The following ADD2 variants were observed in gnomAD, a reference collection of about 807,000 sequenced individuals.
ADD2 encodes beta-adducin.
In ADD2, 23 loss-of-function variants were observed where a neutral mutation model predicts 83.0. The ratio of observed to expected loss-of-function variants is 0.28; its 90% CI spans 0.20 to 0.39. The LOEUF is 0.39. ADD2 is among the 10% of genes least tolerant of loss of function. ADD2 has a pLI of 1.00. For missense variants in ADD2, 758 were observed against 944.9 expected (o/e 0.80, Z 2.59); for synonymous variants, 375 against 375.4 (o/e 1.00, Z 0.01).
intron 1 of ADD2, among the ~76,000 whole-genome samples, chr2:70,740,996 G>C (rs1574310894): frequency 6.6e-6 from 1 of 152,302 alleles, no homozygotes; most frequent in East Asian, 1.9e-4. Flanking sequence ...CACCGTGCCC[G>C]GCCTTGGTCT....
rs576483931 is a variant in ADD2 at position 70,711,755 on chromosome 2, G to A, written c.-35+1311C>T. Among the ~76,000 whole-genome samples the A allele has an allele frequency of 4.7e-4, 71 of 152,316 alleles. 1 individual carries two copies. The highest frequency in any genetic ancestry group is 1.6e-3 in the African/African-American group (68 of 41,568). ...ATCTCTTCCATGTGGGTGTTCCAGA[G>A]TTGGACCCTTTGAAATATGATTGCA... On this transcript the variant is annotated intron_variant, in intron 2 of 15. Coordinates refer to ENST00000264436, the MANE Select transcript of ADD2 (RefSeq NM_001617.4).
At chr2:70,744,522 A>G (rs1318529292) in intron 1 of ADD2, among the ~76,000 whole-genome samples, 5 of 152,206 alleles carry the variant, frequency 3.3e-5, no homozygotes, top group African/African-American at 1.2e-4. Context: ...GGGCATTCCT[A>G]GTGCAGGGAA....
intron 6 of ADD2, among the ~76,000 whole-genome samples, chr2:70,694,525 T>C (rs1671209081): frequency 6.6e-6 from 1 of 152,170 alleles, no homozygotes; most frequent in South Asian, 2.1e-4. Flanking sequence ...AGATACTGAA[T>C]ACTTGAGCCA....
At chr2:70,766,315 G>A (rs1279543275) in intron 1 of ADD2, among the ~76,000 whole-genome samples, 3 of 152,194 alleles carry the variant, frequency 2.0e-5, no homozygotes, top group Non-Finnish European at 1.5e-5. Context: ...GAGTAGGGAA[G>A]AAAGGCTGGG....
At chr2:70,704,263 T>TGCCCCCCCCCCCCC in intron 4 of ADD2, 58 bp downstream of exon 4, 30 of 913,226 alleles carry the variant, frequency 3.3e-5, no homozygotes, top group East Asian at 5.9e-5. Flanking sequence ...CTCCCTCTCT[T>TGCCCCCCCCCCCCC]CCCCACCCCA....
At position 70,657,466 on chromosome 2, in the gene ADD2, T is replaced by G. The variant is rs1445251403; in HGVS notation, c.*5959A>C. 6.6e-6 allele frequency: 1 copy of G among 152,146 alleles called. No individual in the cohort carries two copies. Among genetic ancestry groups the G allele is most frequent in the Non-Finnish European group, 1.5e-5 (1 of 68,042 alleles). 9.4% of individuals were successfully genotyped at this position (152,146 alleles called of 1,614,324 possible). A position where few individuals can be genotyped will look rare whatever the true frequency, so the allele number is the denominator to read the frequency against. The stretch of plus-strand genomic sequence containing the variant: ...CTAAGATGTTGGTTGCAGCATAAAT[T>G]GCAGGAATTTAAAGGTGGGGCAGTC... On this transcript the variant is annotated 3_prime_UTR_variant, in exon 16 of 16. Coordinates refer to ENST00000264436, the MANE Select transcript of ADD2 (RefSeq NM_001617.4).
intron 6 of ADD2, among the ~76,000 whole-genome samples, chr2:70,694,263 T>G (rs1671196433): frequency 1.3e-5 from 2 of 152,180 alleles, no homozygotes; most frequent in South Asian, 4.1e-4. Context: ...CCAATCCAAC[T>G]GATCAGCAGG....
chr2:70,704,748 C>T (rs1453233392), intron 3 of ADD2, among the ~76,000 whole-genome samples: 1 of 152,246 alleles, frequency 6.6e-6, no homozygotes, highest in Non-Finnish European at 1.5e-5. Flanking sequence ...CCCCTCCCCA[C>T]CATCAGACAT....
intron 1 of ADD2, chr2:70,760,796 T>C (rs914190356): frequency 1.3e-5 from 2 of 152,210 alleles, no homozygotes; most frequent in African/African-American, 4.8e-5. Context: ...ATGTTTTATA[T>C]ATTTTAAGGT....
chr2:70,744,755 T>G (rs1674093768), intron 1 of ADD2, among the ~76,000 whole-genome samples: 1 of 151,948 alleles, frequency 6.6e-6, no homozygotes. Flanking sequence ...AAAAATAGAA[T>G]AGGGGATGGG....
chr2:70,666,540 C>T (rs1553366171), intron 15 of ADD2, among the ~76,000 whole-genome samples: 2 of 152,212 alleles, frequency 1.3e-5, no homozygotes, highest in African/African-American at 4.8e-5. Context: ...ACCCTTGGCG[C>T]TCTCCTCTAA....
At chr2:70,704,263 T>TGCCCCCCCCACC in intron 4 of ADD2, 58 bp downstream of exon 4, 1 of 913,238 alleles carries the variant, frequency 1.1e-6, no homozygotes, top group Non-Finnish European at 1.7e-6. Flanking sequence ...CTCCCTCTCT[T>TGCCCCCCCCACC]CCCCACCCCA....
At chr2:70,754,756 T>G (rs1321408046) in intron 1 of ADD2, among the ~76,000 whole-genome samples, 3 of 152,108 alleles carry the variant, frequency 2.0e-5, no homozygotes, top group Non-Finnish European at 4.4e-5. Context: ...ATACCCTAGA[T>G]CTTGCTGCTA....
intron 1 of ADD2, 170 bp downstream of exon 1, chr2:70,767,716 A>AG: frequency 1.4e-6 from 2 of 1,424,476 alleles, no homozygotes; most frequent in East Asian, 5.2e-5. Context: ...AGAAACCTTT[A>AG]GGCGCAAAAC....
intron 4 of ADD2, 58 bp downstream of exon 4, chr2:70,704,263 T>TCCCCCCCCCCCCCCCCCCCCCCCCCC: frequency 1.1e-6 from 1 of 913,234 alleles, no homozygotes; most frequent in Non-Finnish European, 1.7e-6. Context: ...CTCCCTCTCT[T>TCCCCCCCCCCCCCCCCCCCCCCCCCC]CCCCACCCCA....
At chr2:70,712,979 A>G (rs367680283) in intron 2 of ADD2, 87 bp downstream of exon 2, 42 of 430,040 alleles carry the variant, frequency 9.8e-5, no homozygotes, top group East Asian at 9.5e-4. Context: ...ATCCTCATGC[A>G]AAGGGCCTTG....
Position 70,686,040 on chromosome 2 carries a change from C to T in ADD2, c.948+1984G>A, listed in dbSNP as rs371600817. 1.2e-4 allele frequency among the ~76,000 whole-genome samples: 19 copies of T among 152,336 alleles called. 1 individual carries two copies. In the South Asian group the frequency reaches 2.3e-3, roughly 18 times the overall value. On this transcript the variant is annotated intron_variant, in intron 9 of 15. Transcript: ENST00000264436. Reference sequence around the variant, plus strand: ...TGAACTACTAACATGACCACAGCCACGTTCGCTTGTTTGCCAAGGTCACCA... The same window carrying T: ...TGAACTACTAACATGACCACAGCCATGTTCGCTTGTTTGCCAAGGTCACCA...
At chr2:70,716,624 C>A (rs1301880160) in intron 1 of ADD2, among the ~76,000 whole-genome samples, 3 of 152,178 alleles carry the variant, frequency 2.0e-5, no homozygotes, top group Admixed American at 2.0e-4. Context: ...CAGTTAGGTG[C>A]TGAACAAATG....
chr2:70,671,862 ACC>A (rs1290354252), intron 15 of ADD2, among the ~76,000 whole-genome samples: 1 of 152,046 alleles, frequency 6.6e-6, no homozygotes, highest in Non-Finnish European at 1.5e-5. Flanking sequence ...CCAATAGGCC[ACC>A]AGATTTCTGC....
Sources: allele counts gnomAD v4.1 joint callset (sites outside exome capture counted in the v4.1 genomes callset), GRCh38; gene constraint gnomAD v4.1.1; transcripts MANE v1.5; gene names NCBI Gene and HGNC (gene_info 2026-07-23, HGNC 2026-07-21).